Variants in CEP112 observed in about 807,000 individuals in gnomAD.
The protein encoded by CEP112 is centrosomal protein 112, also known as centrosomal protein of 112 kDa.
Under a neutral mutation model 153.0 loss-of-function variants are expected in CEP112, and 127 were observed. The observed-to-expected ratio is 0.83, with a 90% CI of 0.72 to 0.96. The LOEUF (loss-of-function observed/expected upper bound fraction) is 0.96. CEP112 is among the 40% of genes least tolerant of loss of function. The pLI is 0.00. For synonymous variants in CEP112, 358 were observed against 374.4 expected, an observed-to-expected ratio of 0.96 and a Z score of 0.51; for missense variants, 1,089 against 1,101.2, an observed-to-expected ratio of 0.99 and a Z score of 0.16.
At chr17:65,946,733 ATTTT>A (rs1314831842) in intron 18 of CEP112, among the ~76,000 whole-genome samples, 1 of 151,958 alleles carries the variant, frequency 6.6e-6, no homozygotes, top group Non-Finnish European at 1.5e-5. Context: ...AATTTTTTTT[ATTTT>A]TAAGATTTTG....
Position 66,141,268 on chromosome 17 carries a change from A to C in CEP112, c.471-8505T>G, listed in dbSNP as rs911351698. Among the ~76,000 whole-genome samples, 5 of 151,900 alleles carry C rather than the reference A, an allele frequency of 3.3e-5. 1 individual carries two copies. Among genetic ancestry groups the C allele is most frequent in the African/African-American group, 1.2e-4 (5 of 41,192 alleles). On this transcript the variant is annotated intron_variant, in intron 4 of 26. Coordinates refer to ENST00000535342, the MANE Select transcript of CEP112 (RefSeq NM_001199165.4). ...TTCCATTGTGATTTTCAGATTTAGT[A>C]ATCATGTTTTTCAATTGTAAGCACA...
At chr17:66,080,399 A>AAC (rs1302330815) in intron 8 of CEP112, among the ~76,000 whole-genome samples, 3 of 152,236 alleles carry the variant, frequency 2.0e-5, no homozygotes, top group East Asian at 3.8e-4. Context: ...ACGGCCAACA[A>AAC]ACATACGAAG....
chr17:66,010,589 T>A (rs1198843800), intron 16 of CEP112, among the ~76,000 whole-genome samples: 3 of 152,196 alleles, frequency 2.0e-5, no homozygotes, highest in Non-Finnish European at 2.9e-5. Flanking sequence ...ACGTTGGCTG[T>A]GGGTTTCTCA....
At chr17:66,184,379 A>G (rs990635563) in intron 1 of CEP112, among the ~76,000 whole-genome samples, 1 of 152,182 alleles carries the variant, frequency 6.6e-6, no homozygotes, top group Non-Finnish European at 1.5e-5. Flanking sequence ...CAAATCATAC[A>G]TCTCATACGA....
At chr17:65,680,657 T>A (rs933526892) in intron 24 of CEP112, among the ~76,000 whole-genome samples, 3 of 152,182 alleles carry the variant, frequency 2.0e-5, no homozygotes, top group African/African-American at 7.2e-5. Flanking sequence ...AAAGCTTTAA[T>A]GCGGAGGGCG....
intron 6 of CEP112, among the ~76,000 whole-genome samples, chr17:66,118,601 A>G (rs1324218885): frequency 6.6e-6 from 1 of 152,102 alleles, no homozygotes; most frequent in Non-Finnish European, 1.5e-5. Context: ...GGACTGGTAA[A>G]TAGGTATGAA....
chr17:66,005,855 C>T, intron 16 of CEP112, 86 bp from the exon 17 acceptor site: 1 of 1,130,130 alleles, frequency 8.8e-7, no homozygotes, highest in Non-Finnish European at 1.2e-6. Flanking sequence ...ACAGTGATCA[C>T]AAATCCATTT....
chr17:66,032,381 C>A (rs2065527351), intron 12 of CEP112, among the ~76,000 whole-genome samples: 1 of 151,398 alleles, frequency 6.6e-6, no homozygotes, highest in Non-Finnish European at 1.5e-5. Context: ...CAGAAAAGCA[C>A]ACTAGAGTTT....
chr17:66,045,077 AT>A (rs61108676), intron 12 of CEP112, among the ~76,000 whole-genome samples: 37,605 of 136,316 alleles, frequency 0.28, 7,226 homozygotes, highest in African/African-American at 0.56. Flanking sequence ...CAAAAAAAAA[AT>A]TTTTTTTTTT....
intron 20 of CEP112, among the ~76,000 whole-genome samples, chr17:65,865,920 G>A (rs866212636): frequency 4.0e-5 from 6 of 151,606 alleles, no homozygotes; most frequent in African/African-American, 1.2e-4. Context: ...GGCCCAGGGC[G>A]GTGCTGCGCT....
intron 20 of CEP112, among the ~76,000 whole-genome samples, chr17:65,898,108 TG>T (rs2059719357): frequency 6.6e-6 from 1 of 152,128 alleles, no homozygotes; most frequent in South Asian, 2.1e-4. Context: ...TTATTTTAAG[TG>T]TATGTTTATT....
chr17:65,757,553 A>C, intron 21 of CEP112, among the ~76,000 whole-genome samples: 1 of 152,230 alleles, frequency 6.6e-6, no homozygotes, highest in South Asian at 2.1e-4. Context: ...TGAATTTAAA[A>C]TGAGGCCAGT....
At chr17:65,675,755 TG>T (rs1567847542) in intron 24 of CEP112, among the ~76,000 whole-genome samples, 1 of 151,784 alleles carries the variant, frequency 6.6e-6, no homozygotes, top group Non-Finnish European at 1.5e-5. Flanking sequence ...ATTAATTCCA[TG>T]AATGCAATAT....
At chr17:66,014,077 G>A (rs12602545) in intron 16 of CEP112, among the ~76,000 whole-genome samples, 24,132 of 152,202 alleles carry the variant, frequency 0.16, 2,539 homozygotes, top group Admixed American at 0.3. Flanking sequence ...TGGGATGCAC[G>A]CACATCACTG....
intron 4 of CEP112, among the ~76,000 whole-genome samples, chr17:66,152,938 T>A (rs1290021956): frequency 6.6e-6 from 1 of 152,166 alleles, no homozygotes; most frequent in Non-Finnish European, 1.5e-5. Context: ...AGATGCTCAG[T>A]GTCATTAGTC....
intron 18 of CEP112, among the ~76,000 whole-genome samples, chr17:65,930,913 T>C (rs1259008633): frequency 6.6e-6 from 1 of 152,164 alleles, no homozygotes; most frequent in African/African-American, 2.4e-5. Flanking sequence ...CCTTCTTCTC[T>C]AAGGTGTTCT....
intron 1 of CEP112, among the ~76,000 whole-genome samples, chr17:66,187,680 G>C (rs2072990665): frequency 6.6e-6 from 1 of 152,092 alleles, no homozygotes. Flanking sequence ...CACTCGCATA[G>C]TGATTGTATT....
At chr17:66,137,544 A>G (rs1022041931) in intron 4 of CEP112, among the ~76,000 whole-genome samples, 1 of 152,162 alleles carries the variant, frequency 6.6e-6, no homozygotes, top group Admixed American at 6.5e-5. Context: ...AAAGTCAAAG[A>G]CAAAGAATTT....
chr17:65,749,020 G>A (rs1417982734), intron 22 of CEP112, among the ~76,000 whole-genome samples: 1 of 151,936 alleles, frequency 6.6e-6, no homozygotes, highest in Non-Finnish European at 1.5e-5. Flanking sequence ...TTTAACTTTT[G>A]GCCTAAATAG....
Sources: allele counts gnomAD v4.1 joint callset (sites outside exome capture counted in the v4.1 genomes callset), GRCh38; gene constraint gnomAD v4.1.1; transcripts MANE v1.5; gene names NCBI Gene and HGNC (gene_info 2026-07-23, HGNC 2026-07-21).